B4GALT1: variants seen among roughly 807,000 people sequenced by gnomAD.
The protein encoded by B4GALT1 is N-acetyllactosamine synthase.
In B4GALT1, 16 loss-of-function variants were observed where a neutral mutation model predicts 34.9. The ratio of observed to expected loss-of-function variants is 0.46; its 90% CI spans 0.31 to 0.70. B4GALT1 has a LOEUF of 0.70. Ranked by LOEUF, B4GALT1 falls within the 30% of genes least tolerant of loss-of-function variation. B4GALT1 has a pLI of 0.05. For synonymous variants in B4GALT1, 221 were observed against 218.1 expected (o/e 1.01, Z -0.12); for missense variants, 445 against 530.5 (o/e 0.84, Z 1.58).
At chr9:33,129,295 T>C (rs1840158697) in intron 2 of B4GALT1, among the ~76,000 whole-genome samples, 1 of 152,190 alleles carries the variant, frequency 6.6e-6, no homozygotes. Flanking sequence ...AAGGTATTAA[T>C]AGGTTTTCTG....
chr9:33,131,237 G>A (rs1840190123), intron 2 of B4GALT1, among the ~76,000 whole-genome samples: 2 of 152,166 alleles, frequency 1.3e-5, no homozygotes, highest in South Asian at 2.1e-4. Flanking sequence ...GGTTTGAGCC[G>A]CAGCCCTACT....
chr9:33,141,018 C>A (rs1381354925), intron 1 of B4GALT1, among the ~76,000 whole-genome samples: 1 of 152,250 alleles, frequency 6.6e-6, no homozygotes, highest in Non-Finnish European at 1.5e-5. Flanking sequence ...AGCTCAAACA[C>A]CACCCTCCCA....
intron 4 of B4GALT1, among the ~76,000 whole-genome samples, chr9:33,114,346 G>A (rs977789919): frequency 6.6e-6 from 1 of 152,192 alleles, no homozygotes; most frequent in African/African-American, 2.4e-5. Flanking sequence ...ATGGAAGTGA[G>A]AGCAAGCCTA....
At chr9:33,124,083 T>C (rs950394298) in intron 2 of B4GALT1, among the ~76,000 whole-genome samples, 1 of 152,154 alleles carries the variant, frequency 6.6e-6, no homozygotes, top group Non-Finnish European at 1.5e-5. Flanking sequence ...AGCAGAACAG[T>C]GGAGGAGGAA....
intron 2 of B4GALT1, among the ~76,000 whole-genome samples, chr9:33,133,240 A>G (rs1161169272): frequency 1.3e-5 from 2 of 152,238 alleles, no homozygotes; most frequent in African/African-American, 4.8e-5. Flanking sequence ...TGGCACCCAG[A>G]CCACAGCTGT....
chr9:33,118,365 A>G (rs1839970333), intron 3 of B4GALT1, among the ~76,000 whole-genome samples: 1 of 152,160 alleles, frequency 6.6e-6, no homozygotes, highest in South Asian at 2.1e-4. Context: ...TCTGACAGAA[A>G]GCTGTTGCAT....
chr9:33,104,438 G>A lies in B4GALT1; in HGVS notation c.*314C>T, dbSNP rs13288792. On this transcript the variant is annotated 3_prime_UTR_variant, in exon 3 of 3. Coordinates refer to the B4GALT1 transcript ENST00000535206. ...AGTCCTGAGATCTTGACTGAGTCCA[G>A]GCTTCAACTTCTCCACCTAAGCCCC... 536 of 192,612 alleles carry A rather than the reference G, an allele frequency of 2.8e-3. 1 individual carries two copies. The highest frequency in any genetic ancestry group is 4.0e-3 in the Non-Finnish European group (372 of 92,326). 11.9% of individuals were successfully genotyped at this position (192,612 alleles called of 1,614,324 possible).
chr9:33,109,373 A>G (rs605915), downstream of B4GALT1, among the ~76,000 whole-genome samples: 142,009 of 152,304 alleles, frequency 0.93, 66,444 homozygotes, highest in East Asian at 0.99. Flanking sequence ...GTTCTTCATC[A>G]GTATCCTTTC....
downstream of B4GALT1, among the ~76,000 whole-genome samples, chr9:33,108,120 A>T (rs1398176285): frequency 6.6e-6 from 1 of 152,212 alleles, no homozygotes; most frequent in Non-Finnish European, 1.5e-5. Flanking sequence ...CGTGCTTATT[A>T]TGAGCCAGGC....
chr9:33,125,811 C>T (rs1564040219), intron 2 of B4GALT1, among the ~76,000 whole-genome samples: 1 of 152,204 alleles, frequency 6.6e-6, no homozygotes, highest in African/African-American at 2.4e-5. Context: ...CAAGTTCCAA[C>T]AGCTTCTGGA....
At chr9:33,163,368 C>T (rs1441694879) in intron 1 of B4GALT1, among the ~76,000 whole-genome samples, 1 of 152,210 alleles carries the variant, frequency 6.6e-6, no homozygotes, top group African/African-American at 2.4e-5. Context: ...TCCAAGTGCC[C>T]ATCTCTAGAT....
chr9:33,159,850 A>C (rs897831174), intron 1 of B4GALT1, among the ~76,000 whole-genome samples: 1 of 152,226 alleles, frequency 6.6e-6, no homozygotes. Context: ...GAGCCACAGT[A>C]GTCCACAGAA....
intron 3 of B4GALT1, among the ~76,000 whole-genome samples, chr9:33,117,842 G>A (rs1839962428): frequency 6.6e-6 from 1 of 152,152 alleles, no homozygotes; most frequent in Non-Finnish European, 1.5e-5. Flanking sequence ...TTGAACCAAA[G>A]GTGGCCAGGC....
chr9:33,149,780 A>C, intron 1 of B4GALT1, among the ~76,000 whole-genome samples: 1 of 152,258 alleles, frequency 6.6e-6, no homozygotes, highest in East Asian at 1.9e-4. Context: ...CCTGAATCTG[A>C]TCAGGAGGAA....
intron 2 of B4GALT1, 126 bp from the exon 3 acceptor site, chr9:33,120,732 G>A (rs1461147403): frequency 3.6e-5 from 34 of 931,676 alleles, no homozygotes; most frequent in South Asian, 1.8e-4. Flanking sequence ...CTTTTCTGCC[G>A]TCACTCTACA....
chr9:33,175,020 T>TATATATAAAA, the B4GALT1 span, among the ~76,000 whole-genome samples: 7 of 39,076 alleles, frequency 1.8e-4, no homozygotes, highest in Non-Finnish European at 2.8e-4. Context: ...TATATATATA[T>TATATATAAAA]AAAATTGGAG....
chr9:33,175,877 G>A, the B4GALT1 span, among the ~76,000 whole-genome samples: 62 of 152,236 alleles, frequency 4.1e-4, 1 homozygote, highest in East Asian at 0.011. Context: ...ATTAAGCAAC[G>A]TATGACTGTA....
intron 1 of B4GALT1, among the ~76,000 whole-genome samples, chr9:33,160,489 G>C (rs1405168951): frequency 6.6e-6 from 1 of 152,178 alleles, no homozygotes; most frequent in East Asian, 1.9e-4. Flanking sequence ...CTATAACACT[G>C]GGTGTGGTGA....
chr9:33,128,991 TA>T, intron 2 of B4GALT1, among the ~76,000 whole-genome samples: 1 of 152,294 alleles, frequency 6.6e-6, no homozygotes, highest in Admixed American at 6.5e-5. Flanking sequence ...CCCATCATCC[TA>T]AAACAGTGCA....
Sources: allele counts gnomAD v4.1 joint callset (sites outside exome capture counted in the v4.1 genomes callset), GRCh38; gene constraint gnomAD v4.1.1; transcripts MANE v1.5; gene names NCBI Gene and HGNC (gene_info 2026-07-23, HGNC 2026-07-21).